Variants in DNER observed in about 807,000 individuals in gnomAD.
The protein encoded by DNER is delta/notch like EGF repeat containing, also known as delta and Notch-like epidermal growth factor-related receptor.
In DNER, 33 loss-of-function variants were observed where a neutral mutation model predicts 78.2. The ratio of observed to expected loss-of-function variants is 0.42; its 90% CI spans 0.32 to 0.56. The LOEUF (loss-of-function observed/expected upper bound fraction) is 0.56. Among genes scored for constraint, DNER ranks in the 20% least tolerant of loss-of-function variants. The pLI is 0.11. For missense variants in DNER, 918 were observed against 975.3 expected (o/e 0.94, Z 0.78); for synonymous variants, 417 against 384.8 (o/e 1.08, Z -0.98).
chr2:229,565,143 C>T (rs1173254530), intron 4 of DNER, among the ~76,000 whole-genome samples: 1 of 152,066 alleles, frequency 6.6e-6, no homozygotes, highest in Non-Finnish European at 1.5e-5. Flanking sequence ...TACGGCAGGT[C>T]CTAAGTGGAA....
At chr2:229,655,255 T>C (rs369892391) in intron 1 of DNER, among the ~76,000 whole-genome samples, 2 of 151,692 alleles carry the variant, frequency 1.3e-5, no homozygotes, top group East Asian at 1.9e-4. Context: ...TATACAAATA[T>C]ATAACAAAAA....
intron 1 of DNER, among the ~76,000 whole-genome samples, chr2:229,631,390 A>G (rs1001211289): frequency 3.9e-5 from 6 of 152,238 alleles, no homozygotes; most frequent in Non-Finnish European, 8.8e-5. Flanking sequence ...AAGCCATCAT[A>G]GAGTCCCTAG....
chr2:229,562,659 C>A (rs1696981435), intron 4 of DNER, among the ~76,000 whole-genome samples: 1 of 152,134 alleles, frequency 6.6e-6, no homozygotes, highest in Non-Finnish European at 1.5e-5. Context: ...ACACCAGGCT[C>A]TGCCACCAGA....
intron 1 of DNER, among the ~76,000 whole-genome samples, chr2:229,670,788 C>T (rs376278635): frequency 2.0e-5 from 3 of 152,152 alleles, no homozygotes; most frequent in South Asian, 2.1e-4. Flanking sequence ...TACAGAGCTC[C>T]GTAAATGTGG....
chr2:229,421,424 G>GT (rs892166387), intron 8 of DNER, among the ~76,000 whole-genome samples: 2 of 150,438 alleles, frequency 1.3e-5, no homozygotes, highest in East Asian at 1.9e-4. Flanking sequence ...TTAATGCTGT[G>GT]TTTTTTTACC....
intron 1 of DNER, among the ~76,000 whole-genome samples, chr2:229,619,873 G>T (rs75235307): frequency 0.022 from 3,348 of 152,264 alleles, 51 homozygotes; most frequent in Middle Eastern, 0.034. Flanking sequence ...GTTGGATAAT[G>T]TTTACATCTA....
At chr2:229,593,439 G>A (rs1697645715) in intron 1 of DNER, among the ~76,000 whole-genome samples, 2 of 152,098 alleles carry the variant, frequency 1.3e-5, no homozygotes, top group Admixed American at 1.3e-4. Flanking sequence ...TACCTTCTAG[G>A]AGAAGCCTTC....
At chr2:229,438,994 G>A (rs1444078265) in intron 8 of DNER, among the ~76,000 whole-genome samples, 1 of 152,172 alleles carries the variant, frequency 6.6e-6, no homozygotes, top group Non-Finnish European at 1.5e-5. Context: ...TCAAGTCCCA[G>A]CTTCATCCTT....
At chr2:229,712,785 T>C (rs1394420185) in intron 1 of DNER, among the ~76,000 whole-genome samples, 1 of 152,158 alleles carries the variant, frequency 6.6e-6, no homozygotes, top group East Asian at 1.9e-4. Flanking sequence ...AAATTCTTCC[T>C]CCTCCTCATC....
intron 1 of DNER, among the ~76,000 whole-genome samples, chr2:229,592,479 G>A (rs773471231): frequency 6.6e-5 from 10 of 152,124 alleles, no homozygotes; most frequent in Non-Finnish European, 1.3e-4. Context: ...GACTGTGGTG[G>A]GGACTTAAGC....
chr2:229,626,170 C>T (rs918694275), intron 1 of DNER, among the ~76,000 whole-genome samples: 1 of 152,140 alleles, frequency 6.6e-6, no homozygotes, highest in African/African-American at 2.4e-5. Context: ...CCGCCTGCCT[C>T]GGCCTCCCAA....
At chr2:229,706,394 T>G (rs1023376050) in intron 1 of DNER, among the ~76,000 whole-genome samples, 1 of 42,464 alleles carries the variant, frequency 2.4e-5, no homozygotes. Flanking sequence ...CTAGTAAAAA[T>G]ACAAAAAAAA....
chr2:229,616,718 T>C (rs767321107), intron 1 of DNER, among the ~76,000 whole-genome samples: 1 of 152,216 alleles, frequency 6.6e-6, no homozygotes, highest in Admixed American at 6.5e-5. Flanking sequence ...TCTAGGGCCC[T>C]TGGCAGATCC....
intron 5 of DNER, among the ~76,000 whole-genome samples, chr2:229,545,497 C>T (rs1007329034): frequency 6.6e-6 from 1 of 152,214 alleles, no homozygotes; most frequent in African/African-American, 2.4e-5. Context: ...AACGCTTGAA[C>T]CCAGAAGGTG....
rs191627805 is a variant in DNER, at chr2:229,405,034, A to G, written c.1723+2198T>C. 1.1e-4 allele frequency among the ~76,000 whole-genome samples: 16 copies of G among 152,358 alleles called. No individual in the cohort carries two copies. In the East Asian group the frequency reaches 2.7e-3, roughly 26 times the overall value. On this transcript the variant is annotated intron_variant, in intron 10 of 12. Coordinates refer to ENST00000341772, the MANE Select transcript of DNER (RefSeq NM_139072.4). ...TAACCTATGGCAGATAAACTGTTAT[A>G]TACTTAAAATAAAGGGCTATTTCAA...
intron 1 of DNER, among the ~76,000 whole-genome samples, chr2:229,692,338 T>A (rs1699593170): frequency 6.6e-6 from 1 of 152,216 alleles, no homozygotes; most frequent in Admixed American, 6.5e-5. Context: ...ATATTTAAGA[T>A]ACTGTATATC....
intron 4 of DNER, among the ~76,000 whole-genome samples, chr2:229,562,285 A>T (rs1014142740): frequency 2.6e-5 from 4 of 152,062 alleles, no homozygotes; most frequent in Non-Finnish European, 2.9e-5. Context: ...ACAAAATACT[A>T]ACTCCATCAC....
intron 1 of DNER, among the ~76,000 whole-genome samples, chr2:229,692,833 C>T (rs894006280): frequency 6.6e-6 from 1 of 151,706 alleles, no homozygotes; most frequent in African/African-American, 2.4e-5. Flanking sequence ...AAGTATTTTT[C>T]TTATATAAGG....
chr2:229,496,643 C>G (rs375919310), intron 6 of DNER, among the ~76,000 whole-genome samples: 32 of 152,148 alleles, frequency 2.1e-4, no homozygotes, highest in African/African-American at 7.5e-4. Flanking sequence ...CAAAAGAGAG[C>G]AGGGATAGCT....
Sources: gnomAD v4.1 joint callset for allele counts (sites outside exome capture counted in the v4.1 genomes callset) on GRCh38, gnomAD v4.1.1 for gene constraint, MANE v1.5 for transcripts, NCBI Gene and HGNC (gene_info 2026-07-23, HGNC 2026-07-21) for gene names.